Variants in SNTG1 observed in about 807,000 individuals in gnomAD.
The protein encoded by SNTG1 is gamma-1-syntrophin.
In SNTG1, 39 loss-of-function variants were observed where a neutral mutation model predicts 74.7. The ratio of observed to expected loss-of-function variants is 0.52; its 90% confidence interval spans 0.40 to 0.68. The LOEUF is 0.68. Among genes scored for constraint, SNTG1 ranks in the 30% least tolerant of loss-of-function variants. SNTG1 has a pLI of 0.00. For missense variants in SNTG1, 685 were observed against 609.5 expected, an observed-to-expected ratio of 1.12 and a Z score of -1.30; for synonymous variants, 254 against 217.1, an observed-to-expected ratio of 1.17 and a Z score of -1.49.
At chr8:50,379,052 A>G (rs973133149) in intron 2 of SNTG1, among the ~76,000 whole-genome samples, 1 of 152,050 alleles carries the variant, frequency 6.6e-6, no homozygotes, top group Non-Finnish European at 1.5e-5. Flanking sequence ...CATGGAGCCC[A>G]GGCTGTAGGT....
chr8:50,406,355 C>T (rs2092876176), intron 4 of SNTG1, among the ~76,000 whole-genome samples: 1 of 152,002 alleles, frequency 6.6e-6, no homozygotes, highest in Non-Finnish European at 1.5e-5. Context: ...ATTGTTAGTG[C>T]ACGGAAATGT....
chr8:50,293,450 C>G (rs2089220838), intron 2 of SNTG1, among the ~76,000 whole-genome samples: 1 of 151,078 alleles, frequency 6.6e-6, no homozygotes, highest in African/African-American at 2.4e-5. Flanking sequence ...TGCTCTGCCA[C>G]CCAGGCTGGA....
At chr8:50,179,730 T>C (rs895762776) in intron 2 of SNTG1, among the ~76,000 whole-genome samples, 55 of 152,204 alleles carry the variant, frequency 3.6e-4, no homozygotes, top group African/African-American at 1.3e-3. Flanking sequence ...CACAGTAAGA[T>C]ATCACTTTAC....
At chr8:50,665,724 CG>C (rs1230230144) in intron 15 of SNTG1, among the ~76,000 whole-genome samples, 4 of 151,870 alleles carry the variant, frequency 2.6e-5, no homozygotes, top group African/African-American at 9.7e-5. Context: ...TGGGCAAATT[CG>C]GGACAAATTG....
intron 17 of SNTG1, among the ~76,000 whole-genome samples, chr8:50,713,808 C>T (rs2095468418): frequency 6.6e-6 from 1 of 151,994 alleles, no homozygotes. Flanking sequence ...ATCTGTAATT[C>T]CAGCACTTTG....
At chr8:50,383,706 T>C (rs1252806406) in intron 2 of SNTG1, among the ~76,000 whole-genome samples, 2 of 152,162 alleles carry the variant, frequency 1.3e-5, no homozygotes, top group African/African-American at 4.8e-5. Flanking sequence ...AGTCCCTGCC[T>C]GAACGGGGTT....
chr8:50,734,435 T>A (rs1327416225), intron 17 of SNTG1, among the ~76,000 whole-genome samples: 4 of 151,584 alleles, frequency 2.6e-5, no homozygotes, highest in Non-Finnish European at 1.5e-5. Flanking sequence ...TCTATATTAA[T>A]TTATTCTGCC....
At chr8:50,515,304 G>T (rs1286947260) in intron 9 of SNTG1, among the ~76,000 whole-genome samples, 1 of 149,932 alleles carries the variant, frequency 6.7e-6, no homozygotes, top group Non-Finnish European at 1.5e-5. Flanking sequence ...ACGGCATTAT[G>T]TGTAAAAATA....
intron 15 of SNTG1, among the ~76,000 whole-genome samples, chr8:50,699,987 AACTTGACAAGGATTACCT>A (rs936477094): frequency 4.6e-5 from 7 of 152,168 alleles, no homozygotes; most frequent in African/African-American, 1.7e-4. Context: ...TATGGTAATC[AACTTGACAAGGATTACCT>A]ATTAATAAAT....
At chr8:50,735,382 T>A (rs2095525739) in intron 17 of SNTG1, among the ~76,000 whole-genome samples, 1 of 151,504 alleles carries the variant, frequency 6.6e-6, no homozygotes, top group South Asian at 2.1e-4. Context: ...TGAAAACAGG[T>A]TAGAGGAATT....
intron 1 of SNTG1, among the ~76,000 whole-genome samples, chr8:50,150,663 T>C (rs2082035340): frequency 6.6e-6 from 1 of 152,242 alleles, no homozygotes; most frequent in African/African-American, 2.4e-5. Context: ...ATGTGGTTTT[T>C]GTCTTTGGTT....
intron 1 of SNTG1, among the ~76,000 whole-genome samples, chr8:49,962,157 G>T (rs1810744773): frequency 6.6e-6 from 1 of 152,058 alleles, no homozygotes; most frequent in Admixed American, 6.5e-5. Flanking sequence ...GTAGGGTGGG[G>T]AGAGCACAGG....
rs565193747 is a variant in SNTG1 at position 50,148,987 on chromosome 8, A to G, written c.-102-23574A>G. On this transcript the variant is annotated intron_variant, in intron 1 of 18. Coordinates refer to ENST00000642720, the MANE Select transcript of SNTG1 (RefSeq NM_018967.5). Reference sequence around the variant, plus strand: ...AGGAATCGCCACACCAACTTCCACAATGGTTGAATTAGTTTACAGTCCCAC... The same window carrying G: ...AGGAATCGCCACACCAACTTCCACAGTGGTTGAATTAGTTTACAGTCCCAC... Among the ~76,000 whole-genome samples the G allele has an allele frequency of 2.0e-5, 3 of 152,274 alleles. No individual in the cohort carries two copies. The East Asian group carries it at 5.8e-4, about 29-fold the overall frequency.
intron 2 of SNTG1, among the ~76,000 whole-genome samples, chr8:50,218,617 T>C (rs2084910625): frequency 6.6e-6 from 1 of 152,154 alleles, no homozygotes; most frequent in Non-Finnish European, 1.5e-5. Context: ...AAAGTAATAC[T>C]TTCTCATGAT....
chr8:50,294,845 T>C (rs1340020475), intron 2 of SNTG1, among the ~76,000 whole-genome samples: 1 of 152,118 alleles, frequency 6.6e-6, no homozygotes, highest in Non-Finnish European at 1.5e-5. Flanking sequence ...CAGGAAAAAT[T>C]AGTAAGGAGG....
At chr8:50,376,980 C>T (rs779922699) in intron 2 of SNTG1, among the ~76,000 whole-genome samples, 4 of 152,006 alleles carry the variant, frequency 2.6e-5, no homozygotes, top group Non-Finnish European at 4.4e-5. Context: ...AAGGATTCAA[C>T]CTGGCCTGAG....
chr8:50,083,525 GT>G (rs1822599230), intron 1 of SNTG1, among the ~76,000 whole-genome samples: 1 of 152,150 alleles, frequency 6.6e-6, no homozygotes, highest in South Asian at 2.1e-4. Context: ...CTGGAAATCT[GT>G]GAACTTCATT....
intron 17 of SNTG1, among the ~76,000 whole-genome samples, chr8:50,722,659 A>G (rs2095490594): frequency 6.6e-6 from 1 of 152,138 alleles, no homozygotes; most frequent in African/African-American, 2.4e-5. Context: ...CCTTAGATTG[A>G]AACAGTTTTA....
intron 2 of SNTG1, among the ~76,000 whole-genome samples, chr8:50,335,054 T>G (rs2091095912): frequency 6.6e-6 from 1 of 152,338 alleles, no homozygotes; most frequent in South Asian, 2.1e-4. Context: ...CGTTAAATAA[T>G]TGAACATTAA....
Sources: gnomAD v4.1 joint callset for allele counts (sites outside exome capture counted in the v4.1 genomes callset) on GRCh38, gnomAD v4.1.1 for gene constraint, MANE v1.5 for transcripts, NCBI Gene and HGNC (gene_info 2026-07-23, HGNC 2026-07-21) for gene names.